Variants in KCNQ3 observed in about 807,000 individuals in gnomAD.
The protein encoded by KCNQ3 is potassium voltage-gated channel subfamily Q member 3, also known as potassium voltage-gated channel subfamily KQT member 3.
KCNQ3 carries 30 observed loss-of-function variants against 92.5 expected under a neutral mutation model. The observed-to-expected ratio is 0.32, with a 90% CI of 0.24 to 0.44. The LOEUF is 0.44. KCNQ3 is among the 20% of genes least tolerant of loss of function. The pLI is 1.00. For synonymous variants in KCNQ3, 450 were observed against 468.8 expected (o/e 0.96, Z 0.52); for missense variants, 913 against 1,140.3 (o/e 0.80, Z 2.87).
At chr8:132,252,182 T>C (rs922727541) in intron 1 of KCNQ3, among the ~76,000 whole-genome samples, 2 of 152,148 alleles carry the variant, frequency 1.3e-5, no homozygotes, top group African/African-American at 2.4e-5. Context: ...TTCCTTCTGG[T>C]CGGTTCTTGG....
In KCNQ3 at chr8:132,336,074, T is replaced by C. The variant is rs907856651; in HGVS notation, c.386+144073A>G. The stretch of plus-strand genomic sequence containing the variant: ...TTTTAGCAGCAGTGGGAAATTAATC[T>C]GTGTTCTCACCATCACAGTCCCACA... On this transcript the variant is annotated intron_variant, in intron 1 of 14. Transcript: ENST00000388996. Among the ~76,000 whole-genome samples, 3 of 152,226 alleles carry C rather than the reference T, an allele frequency of 2.0e-5. No homozygotes were observed. In the East Asian group the frequency reaches 5.8e-4, roughly 29 times the overall value.
At chr8:132,372,953 C>T (rs867929695) in intron 1 of KCNQ3, among the ~76,000 whole-genome samples, 6 of 151,944 alleles carry the variant, frequency 3.9e-5, no homozygotes, top group African/African-American at 1.2e-4. Flanking sequence ...TAGTAAGGAG[C>T]AGGTAGAGGA....
At chr8:132,446,400 A>T (rs1037797902) in intron 1 of KCNQ3, among the ~76,000 whole-genome samples, 3 of 152,224 alleles carry the variant, frequency 2.0e-5, no homozygotes, top group Non-Finnish European at 4.4e-5. Flanking sequence ...GGCTGAAAAC[A>T]TGAGCTTGGG....
chr8:132,167,086 G>T (rs563470249), intron 8 of KCNQ3, among the ~76,000 whole-genome samples: 18 of 152,214 alleles, frequency 1.2e-4, no homozygotes, highest in Non-Finnish European at 1.8e-4. Context: ...AATATTATTT[G>T]GCTATAAAAA....
chr8:132,383,259 G>A (rs1301887232), intron 1 of KCNQ3, among the ~76,000 whole-genome samples: 1 of 152,228 alleles, frequency 6.6e-6, no homozygotes, highest in Admixed American at 6.5e-5. Flanking sequence ...GGCTGCTCCT[G>A]AGGCCACACG....
intron 1 of KCNQ3, among the ~76,000 whole-genome samples, chr8:132,398,862 C>A (rs918125680): frequency 4.6e-5 from 7 of 152,194 alleles, no homozygotes; most frequent in African/African-American, 1.7e-4. Flanking sequence ...TGGCATCTGC[C>A]CAAAGGGAAG....
intron 1 of KCNQ3, among the ~76,000 whole-genome samples, chr8:132,449,820 A>G (rs111577545): frequency 4.9e-4 from 74 of 152,312 alleles, no homozygotes; most frequent in African/African-American, 1.8e-3. Context: ...AGCAAGGGAC[A>G]GTTAAGAACC....
intron 1 of KCNQ3, among the ~76,000 whole-genome samples, chr8:132,283,971 C>G (rs1241647694): frequency 6.6e-6 from 1 of 152,106 alleles, no homozygotes; most frequent in Non-Finnish European, 1.5e-5. Flanking sequence ...GTGTTTGGCC[C>G]TAGGTATAAA....
intron 1 of KCNQ3, among the ~76,000 whole-genome samples, chr8:132,211,152 A>G (rs1813839636): frequency 6.6e-6 from 1 of 152,206 alleles, no homozygotes; most frequent in Non-Finnish European, 1.5e-5. Flanking sequence ...TTTGATCAAA[A>G]TGCAAGTCAT....
intron 1 of KCNQ3, among the ~76,000 whole-genome samples, chr8:132,230,588 A>T (rs745948635): frequency 1.3e-5 from 2 of 152,240 alleles, no homozygotes; most frequent in African/African-American, 4.8e-5. Context: ...GAAAGATTTT[A>T]CAGACAGCAG....
At chr8:132,333,100 A>G (rs769162364) in intron 1 of KCNQ3, among the ~76,000 whole-genome samples, 3 of 152,276 alleles carry the variant, frequency 2.0e-5, no homozygotes, top group Non-Finnish European at 2.9e-5. Context: ...TCCTTAGTAG[A>G]CAGGGTTCCA....
At chr8:132,298,153 A>G (rs1817104324) in intron 1 of KCNQ3, among the ~76,000 whole-genome samples, 1 of 152,206 alleles carries the variant, frequency 6.6e-6, no homozygotes, top group Non-Finnish European at 1.5e-5. Flanking sequence ...AGGACACATG[A>G]AGAAATCAAC....
At chr8:132,433,820 G>A (rs942156725) in intron 1 of KCNQ3, among the ~76,000 whole-genome samples, 2 of 152,166 alleles carry the variant, frequency 1.3e-5, no homozygotes, top group African/African-American at 2.4e-5. Context: ...AACCCAGGAG[G>A]CGGAGGTTGC....
chr8:132,220,810 A>T (rs1814200468), intron 1 of KCNQ3, among the ~76,000 whole-genome samples: 1 of 149,346 alleles, frequency 6.7e-6, no homozygotes, highest in South Asian at 2.1e-4. Flanking sequence ...ATGGCATGAA[A>T]CTTTTTTTTA....
intron 1 of KCNQ3, among the ~76,000 whole-genome samples, chr8:132,191,039 C>A (rs956241782): frequency 6.6e-6 from 1 of 152,112 alleles, no homozygotes; most frequent in African/African-American, 2.4e-5. Context: ...TTAGCAATGG[C>A]CTTGTTGAAA....
chr8:132,452,635 C>T (rs1014682602), intron 1 of KCNQ3, among the ~76,000 whole-genome samples: 3 of 152,142 alleles, frequency 2.0e-5, no homozygotes, highest in Admixed American at 2.0e-4. Flanking sequence ...GAGTCCATTC[C>T]TCACCCACAA....
chr8:132,455,490 T>C (rs1821918785), intron 1 of KCNQ3, among the ~76,000 whole-genome samples: 1 of 152,248 alleles, frequency 6.6e-6, no homozygotes, highest in Admixed American at 6.5e-5. Flanking sequence ...CTATGCTTCT[T>C]CTTGGGTGCC....
chr8:132,402,062 C>T (rs1563896780), intron 1 of KCNQ3, among the ~76,000 whole-genome samples: 1 of 152,178 alleles, frequency 6.6e-6, no homozygotes, highest in African/African-American at 2.4e-5. Context: ...GTGCATGTGC[C>T]TGTGGTGTCA....
intron 1 of KCNQ3, among the ~76,000 whole-genome samples, chr8:132,383,195 A>G (rs757875115): frequency 1.4e-4 from 22 of 152,184 alleles, no homozygotes; most frequent in Non-Finnish European, 1.8e-4. Flanking sequence ...ACCCACCCCA[A>G]TGAAGATCCA....
Sources: gnomAD v4.1 joint callset for allele counts (sites outside exome capture counted in the v4.1 genomes callset) on GRCh38, gnomAD v4.1.1 for gene constraint, MANE v1.5 for transcripts, NCBI Gene and HGNC (gene_info 2026-07-23, HGNC 2026-07-21) for gene names.